The following ZC3H12B variants were observed in gnomAD, a reference collection of about 807,000 sequenced individuals.
ZC3H12B encodes the protein zinc finger CCCH-type containing 12B.
ZC3H12B carries 7 observed loss-of-function variants against 43.9 expected under a neutral mutation model. The ratio of observed to expected loss-of-function variants is 0.16; its 90% CI spans 0.09 to 0.30. ZC3H12B has a LOEUF of 0.30. Among genes scored for constraint, ZC3H12B ranks in the 10% least tolerant of loss-of-function variants. The pLI is 1.00. For synonymous variants in ZC3H12B, 222 were observed against 241.7 expected (o/e 0.92, Z 0.76); for missense variants, 475 against 670.2 (o/e 0.71, Z 3.22).
At chrX:65,298,703 G>T in the ZC3H12B span, among the ~76,000 whole-genome samples, 2 of 111,907 alleles carry the variant, frequency 1.8e-5, no homozygotes, top group Admixed American at 9.5e-5. Context: ...ACTAAGATTT[G>T]TTGACTGGTG....
At chrX:65,076,834 A>G in the ZC3H12B span, among the ~76,000 whole-genome samples, 2 of 111,026 alleles carry the variant, frequency 1.8e-5, no homozygotes, top group African/African-American at 6.6e-5. Context: ...TTACTTGTTG[A>G]AGTACTTTTA....
the ZC3H12B span, among the ~76,000 whole-genome samples, chrX:65,187,919 T>G: frequency 9.0e-6 from 1 of 111,267 alleles, no homozygotes; most frequent in Admixed American, 9.7e-5. Flanking sequence ...AATTATAATT[T>G]TGCATGCATT....
At chrX:65,459,832 A>T (rs1229581650) in intron 3 of ZC3H12B, among the ~76,000 whole-genome samples, 2 of 111,775 alleles carry the variant, frequency 1.8e-5, no homozygotes, top group African/African-American at 6.5e-5. Flanking sequence ...ACTCCTATTC[A>T]ACATAGTGTT....
the ZC3H12B span, among the ~76,000 whole-genome samples, chrX:65,269,815 T>A: frequency 4.2e-3 from 467 of 110,240 alleles, 2 homozygotes; most frequent in Non-Finnish European, 3.7e-3. Context: ...ATAATTTTTT[T>A]AAAAAAAAGG....
the ZC3H12B span, among the ~76,000 whole-genome samples, chrX:65,300,601 A>T: frequency 2.3e-3 from 256 of 111,278 alleles, 2 homozygotes; most frequent in African/African-American, 7.8e-3. Flanking sequence ...GATAAATGAC[A>T]TAATCTCTTG....
chrX:65,193,604 T>C, the ZC3H12B span, among the ~76,000 whole-genome samples: 1 of 111,867 alleles, frequency 8.9e-6, no homozygotes, highest in Non-Finnish European at 1.9e-5. Flanking sequence ...ATCTTTTGTG[T>C]TGTTGATTTT....
the ZC3H12B span, among the ~76,000 whole-genome samples, chrX:65,098,415 G>A: frequency 9.0e-6 from 1 of 111,222 alleles, no homozygotes; most frequent in East Asian, 2.8e-4. Flanking sequence ...ACTGATAGGG[G>A]ATAAAGAGAA....
chrX:65,227,387 G>A, the ZC3H12B span, among the ~76,000 whole-genome samples: 2 of 111,882 alleles, frequency 1.8e-5, no homozygotes, highest in East Asian at 5.6e-4. Context: ...AAAGCAGTGT[G>A]TACAGGGAAA....
At chrX:65,299,476 A>G in the ZC3H12B span, among the ~76,000 whole-genome samples, 7 of 112,196 alleles carry the variant, frequency 6.2e-5, no homozygotes, top group Non-Finnish European at 7.5e-5. Context: ...CTGATTTAAC[A>G]TTCAAAAGTC....
chrX:65,281,655 G>A, the ZC3H12B span, among the ~76,000 whole-genome samples: 9 of 112,137 alleles, frequency 8.0e-5, no homozygotes, highest in African/African-American at 2.3e-4. Context: ...CACCTCTTAC[G>A]TTATACAAAA....
chrX:65,159,326 G>A, the ZC3H12B span, among the ~76,000 whole-genome samples: 1 of 111,799 alleles, frequency 8.9e-6, no homozygotes, highest in South Asian at 3.7e-4. Flanking sequence ...TAGCTTGATG[G>A]GGATGTCATT....
At chrX:65,228,744 C>A in the ZC3H12B span, among the ~76,000 whole-genome samples, 2 of 111,655 alleles carry the variant, frequency 1.8e-5, no homozygotes, top group Non-Finnish European at 3.8e-5. Flanking sequence ...CAATAACAGA[C>A]AAACAGAGAG....
At chrX:65,175,539 G>C in the ZC3H12B span, among the ~76,000 whole-genome samples, 1 of 112,004 alleles carries the variant, frequency 8.9e-6, no homozygotes, top group South Asian at 3.7e-4. Flanking sequence ...TTCCATACCT[G>C]AACTCATGTG....
At chrX:65,161,219 GA>G in the ZC3H12B span, among the ~76,000 whole-genome samples, 7 of 110,881 alleles carry the variant, frequency 6.3e-5, no homozygotes, top group South Asian at 3.8e-4. Flanking sequence ...GTGTGATGCT[GA>G]AAAAAAATGT....
intron 3 of ZC3H12B, among the ~76,000 whole-genome samples, chrX:65,434,448 TTAAACAAA>T (rs938016061): frequency 1.3e-4 from 14 of 111,988 alleles, no homozygotes; most frequent in African/African-American, 4.2e-4. Context: ...GCACATTCAG[TTAAACAAA>T]TAAACAAATT....
At chrX:65,469,459 T>A in intron 3 of ZC3H12B, 1 of 418,591 alleles carries the variant, frequency 2.4e-6, no homozygotes, top group Non-Finnish European at 4.4e-6. Flanking sequence ...GACTCCATGC[T>A]CTTCGAGCTC....
chrX:65,434,630 T>C (rs377173380), intron 3 of ZC3H12B, among the ~76,000 whole-genome samples: 20 of 112,328 alleles, frequency 1.8e-4, no homozygotes, highest in African/African-American at 6.5e-4. Flanking sequence ...TTTTCACTTG[T>C]ATAAATTAGA....
At chrX:65,269,637 C>T in the ZC3H12B span, among the ~76,000 whole-genome samples, 1 of 109,913 alleles carries the variant, frequency 9.1e-6, no homozygotes, top group African/African-American at 3.3e-5. Context: ...GTAGGTGGGA[C>T]TACAGGAATG....
the ZC3H12B span, among the ~76,000 whole-genome samples, chrX:65,196,420 G>C: frequency 1.8e-5 from 2 of 111,380 alleles, no homozygotes; most frequent in Non-Finnish European, 3.8e-5. Flanking sequence ...GGGATTTTGG[G>C]TCAAGCTGAG....
Sources: allele counts gnomAD v4.1 joint callset (sites outside exome capture counted in the v4.1 genomes callset), GRCh38; gene constraint gnomAD v4.1.1; transcripts MANE v1.5; gene names NCBI Gene and HGNC (gene_info 2026-07-23, HGNC 2026-07-21).